The following DUOX1 variants were observed in gnomAD, a reference collection of about 807,000 sequenced individuals.
DUOX1 encodes NADPH thyroid oxidase 1.
Under a neutral mutation model 181.8 loss-of-function variants are expected in DUOX1, and 134 were observed. That is an observed-to-expected ratio of 0.74 (90% CI 0.64 to 0.85). The LOEUF (loss-of-function observed/expected upper bound fraction) is 0.85, where lower values mean the gene tolerates loss of function less well. DUOX1 is among the 40% of genes least tolerant of loss of function. DUOX1 has a pLI of 0.00. For missense variants in DUOX1, 1,814 were observed against 2,064.4 expected, an observed-to-expected ratio of 0.88 and a Z score of 2.35; for synonymous variants, 798 against 832.5, an observed-to-expected ratio of 0.96 and a Z score of 0.71.
chr15:45,144,589 T>C (rs1896599125), intron 17 of DUOX1, among the ~76,000 whole-genome samples: 1 of 152,238 alleles, frequency 6.6e-6, no homozygotes, highest in Admixed American at 6.5e-5. Flanking sequence ...TTAGAGATTT[T>C]GGAGGAGAGC....
chr15:45,161,689 T>C (rs1231268554), intron 29 of DUOX1, 49 bp from the exon 30 acceptor site: 22 of 1,561,778 alleles, frequency 1.4e-5, no homozygotes, highest in East Asian at 2.2e-5. Flanking sequence ...GGAGGCCACA[T>C]TGTTGCTGGG....
chr15:45,164,939 C>G lies in DUOX1; in HGVS notation c.*38C>G. On this transcript the variant is annotated 3_prime_UTR_variant, in exon 34 of 34. Coordinates refer to ENST00000389037, the MANE Select transcript of DUOX1 (RefSeq NM_175940.3). ...GGGTTCTGCCCACTGCCCAGTTGAG[C>G]AGAGGTTTGAGCCCACACCTCACCT... The G allele has an allele frequency of 6.2e-7, 1 of 1,609,600 alleles. No individual in the cohort carries two copies. The highest frequency in any genetic ancestry group is 1.3e-5 in the African/African-American group (1 of 74,926).
intron 9 of DUOX1, among the ~76,000 whole-genome samples, chr15:45,137,485 A>G (rs575820684): frequency 6.6e-6 from 1 of 152,052 alleles, no homozygotes; most frequent in African/African-American, 2.4e-5. Flanking sequence ...CAATTCATAG[A>G]TTAGATTTAC....
chr15:45,155,974 G>A, intron 28 of DUOX1, 45 bp downstream of exon 28: 1 of 1,609,628 alleles, frequency 6.2e-7, no homozygotes, highest in East Asian at 2.2e-5. Flanking sequence ...GTATGGGCAG[G>A]ACATTTCCAG....
chr15:45,143,573 ACTG>A (rs1372645546), intron 16 of DUOX1, among the ~76,000 whole-genome samples: 1 of 152,164 alleles, frequency 6.6e-6, no homozygotes. Flanking sequence ...ATCCCTGGGA[ACTG>A]CTGATTTGTA....
At position 45,131,980 on chromosome 15, in the gene DUOX1, T is replaced by G; in HGVS notation, c.14T>G (p.Leu5Arg). 5.6e-6 allele frequency: 9 copies of G among 1,614,166 alleles called. No homozygotes were observed. Among genetic ancestry groups the G allele is most frequent in the Non-Finnish European group, 7.6e-6 (9 of 1,180,022 alleles). Residue 5 changes from leucine to arginine, a missense_variant, in exon 2 of 34, where the codon CTG becomes CGG. Leu to Arg is a moderately radical substitution (Grantham distance 102). Transcript: ENST00000389037. ...ATTATTTTCATCATGGGCTTCTGCC[T>G]GGCTCTAGCATGGACACTTCTGGTT... Reference protein sequence around the residue: MGFCLALAWTLLVGA... With the variant: MGFCRALAWTLLVGA...
intron 28 of DUOX1, among the ~76,000 whole-genome samples, chr15:45,160,165 A>G (rs1034658911): frequency 6.6e-6 from 1 of 152,108 alleles, no homozygotes; most frequent in Non-Finnish European, 1.5e-5. Flanking sequence ...AACCCCCAAA[A>G]AACAAAAGTA....
chr15:45,145,007 T>C lies in DUOX1; in HGVS notation c.2249T>C (p.Leu750Pro). The part of the protein sequence containing the change: ...IQEWELREQE[L>P]MRAAVTREQR... ...GAGTGGGAGCTGCGGGAGCAGGAGC[T>C]GATGAGAGCAGCTGTGACACGGGAG... The change falls in exon 18 of 34, where the codon CTG becomes CCG. Residue 750 changes from leucine (L) to proline (P), a missense_variant. This residue lies in a region of DUOX1 where 1,064 missense variants were observed against 1,152.9 expected (regional missense o/e 0.92). Transcript: ENST00000389037. 1.2e-6 allele frequency: 2 copies of C among 1,614,042 alleles called. No homozygotes were observed. Among genetic ancestry groups the C allele is most frequent in the Non-Finnish European group, 1.7e-6 (2 of 1,179,940 alleles).
In DUOX1 at chr15:45,142,785, AAGGGAGGGAGGAAGGG is replaced by A. The variant is rs1896538293; in HGVS notation, c.1823-397_1823-382del. Among the ~76,000 whole-genome samples the A allele has an allele frequency of 9.8e-4, 141 of 143,814 alleles. 2 individuals are homozygous for A. The highest frequency in any genetic ancestry group is 8.1e-3 in the East Asian group (38 of 4,706). 94.3% of individuals were successfully genotyped at this position (143,814 alleles called of 152,430 possible). On this transcript the variant is annotated intron_variant, in intron 15 of 33. Transcript: ENST00000389037. The stretch of plus-strand genomic sequence containing the variant: ...GAAGGAAAGAAGGAAGGAAGGAAGG[AAGGGAGGGAGGAAGGG>A]AGGGAGGAAGAGCAGGCTGGGGCAG...
chr15:45,162,441 GTGCCTTTCTCCTC>G, intron 31 of DUOX1, 64 bp downstream of exon 31: 1 of 1,565,196 alleles, frequency 6.4e-7, no homozygotes, highest in Non-Finnish European at 8.7e-7. Context: ...GTACCCATCT[GTGCCTTTCTCCTC>G]TGCCTTTGTT....
Position 45,139,490 on chromosome 15 carries a change from G to T in DUOX1, c.1280G>T (p.Gly427Val). 6.2e-7 allele frequency: 1 copy of T among 1,613,288 alleles called. No homozygotes were observed. The change falls in exon 12 of 34, where the codon GGC (glycine) becomes GTC (valine). Residue 427 changes from glycine (G) to valine (V), a missense_variant. Coordinates refer to ENST00000389037, the MANE Select transcript of DUOX1 (RefSeq NM_175940.3). ...CACCTGGCCAGCTGCCTGCAGCGGG[G>T]CCGGGATCTGGGCCTGCCCTCTTAC... The part of the protein sequence containing the change: ...TDHLASCLQR[G>V]RDLGLPSYTK...
intron 18 of DUOX1, among the ~76,000 whole-genome samples, chr15:45,146,194 G>T (rs1376859589): frequency 6.6e-6 from 1 of 152,176 alleles, no homozygotes; most frequent in Non-Finnish European, 1.5e-5. Flanking sequence ...AGGGCTCCAT[G>T]GAAGAGCAAA....
In DUOX1 at chr15:45,143,204, G is replaced by C. The variant is rs757104055; in HGVS notation, c.1837G>C (p.Ala613Pro). The change falls in exon 16 of 34, where the codon GCC (alanine) becomes CCC (proline). Residue 613 changes from alanine to proline, a missense_variant. By Grantham distance (27) the Ala-to-Pro change is conservative. Around this residue, in one of 5 missense-constraint regions of DUOX1, gnomAD observed 1,064 missense variants for 1,152.9 expected, o/e 0.92. Transcript: ENST00000389037. ...TGCCCTCCCAGTGAGCCTGCTCAGT[G>C]CCTGGATTGTTGCCCGGCTCCGGAT... ...CCFPLVSLLS[A>P]WIVARLRMRN... 1 of 1,614,100 alleles carries C rather than the reference G, an allele frequency of 6.2e-7. No homozygotes were observed. Among genetic ancestry groups the C allele is most frequent in the South Asian group, 1.1e-5 (1 of 91,068 alleles).
intron 10 of DUOX1, 102 bp from the exon 11 acceptor site, chr15:45,138,963 TG>T: frequency 9.5e-7 from 1 of 1,049,918 alleles, no homozygotes; most frequent in South Asian, 1.6e-5. Context: ...ACAGCAGGAC[TG>T]GGTGGGCTCA....
rs1897155990 is a variant in DUOX1, at chr15:45,163,536, A to G, written c.4253A>G (p.Tyr1418Cys). The change falls in exon 32 of 34, where the codon TAC becomes TGC. Residue 1418 changes from tyrosine (Y) to cysteine (C), a missense_variant. By Grantham distance (194) the Tyr-to-Cys change is radical. This residue lies in a region of DUOX1 where 279 missense variants were observed against 381.9 expected (regional missense o/e 0.73). Coordinates refer to ENST00000389037, the MANE Select transcript of DUOX1 (RefSeq NM_175940.3). ...VSCQVFCKKI[Y>C]FIWVTRTQRQ... Reference sequence around the variant, plus strand: ...ACTCCAGCCCTGTGTCCCCAGATCTACTTCATCTGGGTGACGCGGACCCAG... The same window carrying G: ...ACTCCAGCCCTGTGTCCCCAGATCTGCTTCATCTGGGTGACGCGGACCCAG... 2.5e-6 allele frequency: 4 copies of G among 1,614,016 alleles called. No homozygotes were observed. Among genetic ancestry groups the G allele is most frequent in the Non-Finnish European group, 2.5e-6 (3 of 1,180,008 alleles).
At position 45,162,299 on chromosome 15, in the gene DUOX1, T is replaced by G; in HGVS notation, c.4170T>G (p.Ile1390Met). The G allele has an allele frequency of 6.2e-7, 1 of 1,614,028 alleles. No individual in the cohort carries two copies. The highest frequency in any genetic ancestry group is 1.3e-5 in the African/African-American group (1 of 75,038). Residue 1390 changes from isoleucine (I) to methionine (M), a missense_variant, in exon 31 of 34, where the codon ATT (isoleucine) becomes ATG (methionine). By Grantham distance (10) the Ile-to-Met change is conservative. Transcript: ENST00000389037. Reference sequence around the variant, plus strand: ...TGTCAGTGTTAGTGGGAGGGGGCATTGGGGTCACCCCTTTTGCCTCCATCC... The same window carrying G: ...TGTCAGTGTTAGTGGGAGGGGGCATGGGGGTCACCCCTTTTGCCTCCATCC... ...FEVSVLVGGG[I>M]GVTPFASILK...
At chr15:45,152,658 GAAGT>G (rs1896848215) in intron 25 of DUOX1, 142 bp downstream of exon 25, 1 of 830,800 alleles carries the variant, frequency 1.2e-6, no homozygotes, top group African/African-American at 1.7e-5. Context: ...GCCAGGGTGT[GAAGT>G]AAGCCCGGGA....
chr15:45,131,655 C>G, intron 1 of DUOX1: 1 of 386,326 alleles, frequency 2.6e-6, no homozygotes, highest in Non-Finnish European at 4.8e-6. Context: ...AAGGTAAAGT[C>G]CATGAAGGTA....
rs1274023820 is a variant in DUOX1, at chr15:45,165,567, T to C, written c.*666T>C. ...TAGTCTCCCTTCCAAATAAATCACT[T>C]TTCTGCCTTCAGGGTTTCTTTATTC... On this transcript the variant is annotated 3_prime_UTR_variant, in exon 34 of 34. Coordinates refer to ENST00000389037, the MANE Select transcript of DUOX1 (RefSeq NM_175940.3). 2 of 152,486 alleles carry C rather than the reference T, an allele frequency of 1.3e-5. No individual in the cohort carries two copies. The highest frequency in any genetic ancestry group is 2.9e-5 in the Non-Finnish European group (2 of 68,260). The allele number at this position is 152,486 out of a possible 1,614,324, so 9.4% of individuals were successfully genotyped here.
Sources: gnomAD v4.1 joint callset for allele counts (sites outside exome capture counted in the v4.1 genomes callset) on GRCh38, gnomAD v4.1.1 for gene constraint, gnomAD v4.1.1 regional missense constraint, MANE v1.5 for transcripts, NCBI Gene and HGNC (gene_info 2026-07-23, HGNC 2026-07-21) for gene names.